The following TLR2 variants were observed in gnomAD, a reference collection of about 807,000 sequenced individuals.
TLR2 encodes the protein toll-like receptor 2.
In TLR2, 7 loss-of-function variants were observed where a neutral mutation model predicts 9.1. The ratio of observed to expected loss-of-function variants is 0.77; its 90% confidence interval spans 0.44 to 1.44. The LOEUF (loss-of-function observed/expected upper bound fraction) is 1.44, where lower values mean the gene tolerates loss of function less well. Ranked by LOEUF, TLR2 falls within the 40% of genes most tolerant of loss-of-function variation. The pLI, the probability that TLR2 is intolerant of heterozygous loss-of-function variation, is 0.01. For synonymous variants in TLR2, 317 were observed against 344.6 expected, an observed-to-expected ratio of 0.92 and a Z score of 0.89; for missense variants, 812 against 904.6, an observed-to-expected ratio of 0.90 and a Z score of 1.31.
intron 1 of TLR2, among the ~76,000 whole-genome samples, chr4:153,687,684 A>G (rs1455691713): frequency 6.6e-6 from 1 of 152,170 alleles, no homozygotes; most frequent in East Asian, 1.9e-4. Flanking sequence ...TGATCAGACT[A>G]TGCCCAAACA....
At chr4:153,690,708 C>G (rs180959094) in intron 2 of TLR2, among the ~76,000 whole-genome samples, 147 of 152,344 alleles carry the variant, frequency 9.6e-4, no homozygotes, top group Non-Finnish European at 6.0e-4. Context: ...TGGATAATAG[C>G]TTTAGCTTCT....
Position 153,703,001 on chromosome 4 carries a change from C to G in TLR2, c.94C>G (p.Arg32Gly). ...SSNQASLSCD[R>G]NGICKGSSGS... ...CAATCAGGCTTCTCTGTCTTGTGAC[C>G]GCAATGGTATCTGCAAGGGCAGCTC... The change falls in exon 3 of 3, where the codon CGC (arginine) becomes GGC (glycine). Residue 32 changes from arginine to glycine, a missense_variant. Coordinates refer to ENST00000642700, the MANE Select transcript of TLR2 (RefSeq NM_001318789.2). The G allele has an allele frequency of 6.2e-7, 1 of 1,613,866 alleles. No homozygotes were observed. The highest frequency in any genetic ancestry group is 8.5e-7 in the Non-Finnish European group (1 of 1,179,966).
intron 2 of TLR2, chr4:153,702,621 C>G (rs192071727): frequency 3.8e-5 from 13 of 340,066 alleles, no homozygotes; most frequent in Middle Eastern, 1.6e-3. Flanking sequence ...TTGAGTCTTG[C>G]TCTGTAATTC....
At position 153,696,854 on chromosome 4, in the gene TLR2, G is replaced by A. The variant is rs4696482; in HGVS notation, c.-16-6038G>A. Among the ~76,000 whole-genome samples the A allele has an allele frequency of 6.6e-4, 100 of 151,804 alleles. 2 individuals are homozygous for A. The highest frequency in any genetic ancestry group is 1.3e-3 in the Admixed American group (20 of 15,260). On this transcript the variant is annotated intron_variant, in intron 2 of 2. Coordinates refer to ENST00000642700, the MANE Select transcript of TLR2 (RefSeq NM_001318789.2). ...GACCAGCTGGGGCAATGTAGCATGA[G>A]CCCATCTACAAAAAAAAAAAGGAAT...
Position 153,704,512 on chromosome 4 carries a change from C to A in TLR2, c.1605C>A (p.Phe535Leu). The A allele has an allele frequency of 6.2e-7, 1 of 1,613,998 alleles. No individual in the cohort carries two copies. The highest frequency in any genetic ancestry group is 8.5e-7 in the Non-Finnish European group (1 of 1,179,926). ...LKTLEAGGNNFICSCEFLSFT... is the reference protein window; with the variant it reads ...LKTLEAGGNNLICSCEFLSFT... ...CTTTGGAAGCTGGTGGCAATAACTT[C>A]ATTTGCTCCTGTGAATTCCTCTCCT... The change falls in exon 3 of 3, where the codon TTC (phenylalanine) becomes TTA (leucine). Residue 535 changes from phenylalanine to leucine, a missense_variant. By Grantham distance (22) the Phe-to-Leu change is conservative (BLOSUM62 0). Transcript: ENST00000642700.
chr4:153,695,872 G>T (rs900175800), intron 2 of TLR2, among the ~76,000 whole-genome samples: 12 of 152,028 alleles, frequency 7.9e-5, no homozygotes, highest in Non-Finnish European at 1.6e-4. Context: ...AGATATAGGG[G>T]TCTAGTTTCT....
In TLR2 at chr4:153,695,949, G is replaced by T. The variant is rs1299650126; in HGVS notation, c.-16-6943G>T. On this transcript the variant is annotated intron_variant, in intron 2 of 2. Transcript: ENST00000642700. ...AGAGACTGTCCTTTCTGCAATGTAT[G>T]TTCTTGACACTTTTATTGAAAATGA... 1.6e-4 allele frequency among the ~76,000 whole-genome samples: 24 copies of T among 152,088 alleles called. 1 individual carries two copies. The highest frequency in any genetic ancestry group is 1.2e-4 in the Non-Finnish European group (8 of 67,996).
chr4:153,686,939 T>C (rs1735748650), intron 1 of TLR2, among the ~76,000 whole-genome samples: 1 of 152,120 alleles, frequency 6.6e-6, no homozygotes, highest in Admixed American at 6.5e-5. Context: ...TACTGGCTCA[T>C]AGAGTAAATT....
chr4:153,704,312 C>A lies in TLR2; in HGVS notation c.1405C>A (p.Leu469Ile), dbSNP rs1737159642. The change falls in exon 3 of 3, where the codon CTC (leucine) becomes ATC (isoleucine). Residue 469 changes from leucine to isoleucine, a missense_variant. Transcript: ENST00000642700. ...LEILDVSNNN[L>I]NLFSLNLPQL... ...AATTTTAGATGTTAGCAACAACAAT[C>A]TCAATTTATTTTCTTTGAATTTGCC... 6.2e-7 allele frequency: 1 copy of A among 1,613,766 alleles called. No homozygotes were observed.
In TLR2 at chr4:153,704,245, A is replaced by T. The variant is rs769243428; in HGVS notation, c.1338A>T (p.Thr446=). The part of the protein sequence containing the change: ...EKMKYLNLSS[T]RIHSVTGCIP... ...TGAAATATTTGAACTTATCCAGCAC[A>T]CGAATACACAGTGTAACAGGCTGCA... The change falls in exon 3 of 3, where the codon ACA becomes ACT. Residue 446 remains threonine (T), a synonymous_variant. Transcript: ENST00000642700. The T allele has an allele frequency of 5.0e-6, 8 of 1,614,212 alleles. No homozygotes were observed. Among genetic ancestry groups the T allele is most frequent in the Non-Finnish European group, 6.8e-6 (8 of 1,180,042 alleles).
Position 153,705,675 on chromosome 4 carries a change from A to G in TLR2, c.*413A>G, listed in dbSNP as rs1019134783. 3.0e-5 allele frequency: 5 copies of G among 167,472 alleles called. No individual in the cohort carries two copies. The highest frequency in any genetic ancestry group is 1.2e-4 in the African/African-American group (5 of 41,494). The allele number at this position is 167,472 out of a possible 1,614,324, so 10.4% of individuals were successfully genotyped here. ...AAATCATCTCTAGATTACTTATGAT[A>G]CCCAATACAATGTAAATACTATGTA... On this transcript the variant is annotated 3_prime_UTR_variant, in exon 3 of 3. Coordinates refer to ENST00000642700, the MANE Select transcript of TLR2 (RefSeq NM_001318789.2).
intron 2 of TLR2, among the ~76,000 whole-genome samples, chr4:153,695,140 G>A (rs1276142950): frequency 6.6e-6 from 1 of 152,190 alleles, no homozygotes; most frequent in Non-Finnish European, 1.5e-5. Context: ...ACATGGGCGT[G>A]CAGATATCTC....
intron 1 of TLR2, among the ~76,000 whole-genome samples, chr4:153,685,482 G>A (rs1735641601): frequency 6.6e-6 from 1 of 152,098 alleles, no homozygotes; most frequent in Non-Finnish European, 1.5e-5. Context: ...TAGCTATGGT[G>A]GCCTGACTTG....
rs948485489 is a variant in TLR2, at chr4:153,705,087, A to C, written c.2180A>C (p.Glu727Ala). ...LDFSHFRLFD[E>A]NNDAAILILL... is the part of the protein sequence containing the mutation. The stretch of plus-strand genomic sequence containing the variant: ...TTCTCCCATTTCCGTCTTTTTGATG[A>C]GAACAATGATGCTGCCATTCTCATT... Residue 727 changes from glutamate (E) to alanine (A), a missense_variant, in exon 3 of 3, where the codon GAG (glutamate) becomes GCG (alanine). Physicochemically the swap from Glu to Ala is moderately radical, Grantham distance 107. Transcript: ENST00000642700. 6.2e-7 allele frequency: 1 copy of C among 1,614,176 alleles called. No individual in the cohort carries two copies. The highest frequency in any genetic ancestry group is 2.2e-5 in the East Asian group (1 of 44,870).
At chr4:153,693,892 G>A (rs935056093) in intron 2 of TLR2, among the ~76,000 whole-genome samples, 1 of 152,130 alleles carries the variant, frequency 6.6e-6, no homozygotes, top group South Asian at 2.1e-4. Flanking sequence ...TTCATCCTGG[G>A]TTTGAGTCCC....
intron 2 of TLR2, among the ~76,000 whole-genome samples, chr4:153,700,334 A>G (rs1428226077): frequency 6.6e-6 from 1 of 152,242 alleles, no homozygotes; most frequent in Admixed American, 6.5e-5. Flanking sequence ...ACTATTTTAA[A>G]TGTTTTTAAA....
chr4:153,693,951 C>T (rs1245477126), intron 2 of TLR2, among the ~76,000 whole-genome samples: 4 of 152,144 alleles, frequency 2.6e-5, no homozygotes, highest in Admixed American at 2.6e-4. Flanking sequence ...GAGACCCTAA[C>T]CCAGCAGTGC....
intron 2 of TLR2, among the ~76,000 whole-genome samples, chr4:153,689,415 C>T (rs146963495): frequency 4.6e-5 from 7 of 152,308 alleles, no homozygotes; most frequent in Non-Finnish European, 8.8e-5. Context: ...CCATGGCACG[C>T]AGACTGAGAG....
chr4:153,695,128 A>G (rs1237631901), intron 2 of TLR2, among the ~76,000 whole-genome samples: 3 of 152,226 alleles, frequency 2.0e-5, no homozygotes, highest in Non-Finnish European at 4.4e-5. Context: ...GTGCAGCACT[A>G]AACATGGGCG....
Sources: allele counts gnomAD v4.1 joint callset (sites outside exome capture counted in the v4.1 genomes callset), GRCh38; gene constraint gnomAD v4.1.1; transcripts MANE v1.5; gene names NCBI Gene and HGNC (gene_info 2026-07-23, HGNC 2026-07-21).